Variants in ASTN2 observed in about 807,000 individuals in gnomAD.
ASTN2 encodes the protein astrotactin 2.
A neutral mutation model predicts 139.8 loss-of-function variants in ASTN2; 54 were observed. The observed-to-expected ratio is 0.39, with a 90% CI of 0.31 to 0.48. The LOEUF (loss-of-function observed/expected upper bound fraction) is 0.48. Among genes scored for constraint, ASTN2 ranks in the 20% least tolerant of loss-of-function variants. The pLI, the probability that ASTN2 is intolerant of heterozygous loss-of-function variation, is 0.95. For synonymous variants in ASTN2, 756 were observed against 719.5 expected (o/e 1.05, Z -0.81); for missense variants, 1,565 against 1,725.1 (o/e 0.91, Z 1.64).
chr9:117,163,478 A>T (rs1279748639), intron 3 of ASTN2, among the ~76,000 whole-genome samples: 1 of 152,136 alleles, frequency 6.6e-6, no homozygotes, highest in Non-Finnish European at 1.5e-5. Context: ...CACATGGGCC[A>T]TTCCTGGACA....
chr9:116,718,686 TG>T (rs1828382734), intron 16 of ASTN2, among the ~76,000 whole-genome samples: 1 of 151,974 alleles, frequency 6.6e-6, no homozygotes, highest in African/African-American at 2.4e-5. Context: ...CCCACCTGAA[TG>T]TCTTGAGCTA....
chr9:116,575,624 G>GGAT (rs1189649119), intron 19 of ASTN2, among the ~76,000 whole-genome samples: 1 of 152,180 alleles, frequency 6.6e-6, no homozygotes, highest in Non-Finnish European at 1.5e-5. Flanking sequence ...CACCCCAAGT[G>GGAT]GATTTCCTAA....
chr9:116,993,444 T>G (rs968029647), intron 7 of ASTN2, among the ~76,000 whole-genome samples: 2 of 151,492 alleles, frequency 1.3e-5, no homozygotes, highest in Non-Finnish European at 2.9e-5. Flanking sequence ...TACAGCCCCC[T>G]CTTTCTACAG....
intron 10 of ASTN2, among the ~76,000 whole-genome samples, chr9:116,966,428 C>T (rs1270063760): frequency 6.6e-6 from 1 of 152,142 alleles, no homozygotes; most frequent in Non-Finnish European, 1.5e-5. Context: ...ACAGTTGGTG[C>T]ATGCTACAGT....
chr9:117,111,533 G>A (rs751529417), intron 4 of ASTN2, among the ~76,000 whole-genome samples: 2 of 151,706 alleles, frequency 1.3e-5, no homozygotes, highest in Non-Finnish European at 2.9e-5. Context: ...GAGAAACGAA[G>A]TAAGAAAAAT....
intron 13 of ASTN2, among the ~76,000 whole-genome samples, chr9:116,803,237 T>C (rs1381819030): frequency 3.3e-5 from 5 of 151,598 alleles, no homozygotes; most frequent in Admixed American, 6.6e-5. Context: ...AAAACTAGTA[T>C]TGTAGAATCT....
chr9:116,589,774 T>C (rs1358206949), intron 19 of ASTN2, among the ~76,000 whole-genome samples: 1 of 152,210 alleles, frequency 6.6e-6, no homozygotes, highest in Admixed American at 6.5e-5. Flanking sequence ...GCAAAGTGGC[T>C]GTACATACTG....
intron 3 of ASTN2, among the ~76,000 whole-genome samples, chr9:117,188,166 T>TAGAGAGAGAGAGAGAG (rs150848006): frequency 3.2e-5 from 4 of 125,670 alleles, no homozygotes; most frequent in African/African-American, 1.3e-4. Context: ...GTCTGTGTGA[T>TAGAGAGAGAGAGAGAG]AGAGAGAGAG....
intron 4 of ASTN2, among the ~76,000 whole-genome samples, chr9:117,135,954 G>A (rs1829941717): frequency 1.3e-5 from 2 of 152,168 alleles, no homozygotes; most frequent in Admixed American, 1.3e-4. Flanking sequence ...GACAGAGGCA[G>A]GGTACAGCCC....
chr9:116,611,247 G>C (rs1356181267), intron 19 of ASTN2: 1 of 151,968 alleles, frequency 6.6e-6, no homozygotes, highest in South Asian at 2.1e-4. Flanking sequence ...AAATGAAAAC[G>C]CAACATAACA....
chr9:117,155,842 T>C (rs1830421174), intron 3 of ASTN2, among the ~76,000 whole-genome samples: 1 of 152,066 alleles, frequency 6.6e-6, no homozygotes, highest in Non-Finnish European at 1.5e-5. Context: ...TTTCATTCAA[T>C]TATCTGGGCA....
chr9:117,314,839 T>C (rs1379685474), intron 1 of ASTN2, among the ~76,000 whole-genome samples: 1 of 145,996 alleles, frequency 6.8e-6, no homozygotes, highest in East Asian at 2.0e-4. Flanking sequence ...ATTATAATTA[T>C]AATCATATAA....
At chr9:117,125,341 G>T (rs1401371485) in intron 4 of ASTN2, among the ~76,000 whole-genome samples, 1 of 152,030 alleles carries the variant, frequency 6.6e-6, no homozygotes, top group Non-Finnish European at 1.5e-5. Context: ...TGTATCCAGG[G>T]CACCTCAATT....
Position 117,257,750 on chromosome 9 carries a change from A to G in ASTN2, c.630+33576T>C, listed in dbSNP as rs79639479. On this transcript the variant is annotated intron_variant, in intron 2 of 22. Transcript: ENST00000313400. The stretch of plus-strand genomic sequence containing the variant: ...ATATACCTCTCTCCATTCCCACAAC[A>G]TAGGAGAAATGAGGGGCAAAACAGC... Among the ~76,000 whole-genome samples the G allele has an allele frequency of 9.8e-3, 1,499 of 152,316 alleles. 29 individuals are homozygous for G. Among genetic ancestry groups the G allele is most frequent in the African/African-American group, 0.035 (1,439 of 41,572 alleles).
At chr9:116,993,481 C>A (rs1234218838) in intron 7 of ASTN2, among the ~76,000 whole-genome samples, 2 of 151,398 alleles carry the variant, frequency 1.3e-5, no homozygotes, top group Non-Finnish European at 2.9e-5. Context: ...CACACACACC[C>A]CTCATCTTCT....
chr9:117,155,691 A>G (rs1400625765), intron 3 of ASTN2, among the ~76,000 whole-genome samples: 2 of 151,998 alleles, frequency 1.3e-5, no homozygotes, highest in Non-Finnish European at 2.9e-5. Flanking sequence ...CTTATCCTTT[A>G]TCTGTCACCT....
chr9:117,385,055 A>G (rs551766870), intron 1 of ASTN2, among the ~76,000 whole-genome samples: 12 of 152,306 alleles, frequency 7.9e-5, no homozygotes, highest in Middle Eastern at 3.4e-3. Flanking sequence ...TCCACTATAT[A>G]TAGTATCGAA....
At position 117,117,398 on chromosome 9, in the gene ASTN2, G is replaced by GA. The variant is rs35130478; in HGVS notation, c.1169-21248dup. 5.0e-3 allele frequency among the ~76,000 whole-genome samples: 703 copies of GA among 140,024 alleles called. 3 individuals carry two copies. Among genetic ancestry groups the GA allele is most frequent in the African/African-American group, 0.016 (621 of 38,118 alleles). The allele number at this position is 140,024 out of a possible 152,430, so 91.9% of individuals were successfully genotyped here. ...AAAAAAAGAAAAGAACGAAGAAAGA[G>GA]AAAAAAAAAAAACGCAACTCCACTA... On this transcript the variant is annotated intron_variant, in intron 4 of 22. Coordinates refer to ENST00000313400, the MANE Select transcript of ASTN2 (RefSeq NM_001365068.1).
chr9:117,295,633 A>G (rs1271880495), intron 1 of ASTN2, among the ~76,000 whole-genome samples: 1 of 152,026 alleles, frequency 6.6e-6, no homozygotes, highest in Non-Finnish European at 1.5e-5. Flanking sequence ...ATATATATTT[A>G]TGTATTTACA....
Sources: gnomAD v4.1 joint callset for allele counts (sites outside exome capture counted in the v4.1 genomes callset) on GRCh38, gnomAD v4.1.1 for gene constraint, MANE v1.5 for transcripts, NCBI Gene and HGNC (gene_info 2026-07-23, HGNC 2026-07-21) for gene names.